The following TNRC6A variants were observed in gnomAD, a reference collection of about 807,000 sequenced individuals.
TNRC6A encodes the protein trinucleotide repeat containing adaptor 6A, also known as trinucleotide repeat-containing gene 6A protein.
A neutral mutation model predicts 221.2 loss-of-function variants in TNRC6A; 44 were observed. The ratio of observed to expected loss-of-function variants is 0.20; its 90% CI spans 0.16 to 0.26. TNRC6A has a LOEUF of 0.26. Among genes scored for constraint, TNRC6A ranks in the 10% least tolerant of loss-of-function variants. TNRC6A has a pLI of 1.00. For missense variants in TNRC6A, 2,199 were observed against 2,404.4 expected, an observed-to-expected ratio of 0.91 and a Z score of 1.79; for synonymous variants, 847 against 838.5, an observed-to-expected ratio of 1.01 and a Z score of -0.18.
intron 2 of TNRC6A, among the ~76,000 whole-genome samples, chr16:24,688,019 G>A (rs1438874404): frequency 1.4e-5 from 2 of 146,312 alleles, no homozygotes; most frequent in Non-Finnish European, 3.0e-5. Context: ...TGCAAGCTCC[G>A]CCTCCTGGGT....
chr16:24,809,432 G>C lies in TNRC6A; in HGVS notation c.4623G>C (p.Val1541=). 1.3e-6 allele frequency: 2 copies of C among 1,598,988 alleles called. No individual in the cohort carries two copies. Among genetic ancestry groups the C allele is most frequent in the South Asian group, 1.1e-5 (1 of 88,622 alleles). The change falls in exon 18 of 25, where the codon GTG becomes GTC. Residue 1541 remains valine, a synonymous_variant. Transcript: ENST00000395799. ...PQSRLRKWTT[V]DSISVNTSLD... ...CAAGACTAAGGAAGTGGACGACAGT[G>C]GACAGCATTTCTGTGAACACATCTT...
intron 4 of TNRC6A, among the ~76,000 whole-genome samples, chr16:24,765,714 G>A (rs1455046576): frequency 6.6e-6 from 1 of 151,964 alleles, no homozygotes; most frequent in Non-Finnish European, 1.5e-5. Context: ...TTGTAGCTCT[G>A]CACTAACAGA....
At chr16:24,704,675 A>C (rs2056060069) in intron 2 of TNRC6A, among the ~76,000 whole-genome samples, 1 of 51,462 alleles carries the variant, frequency 1.9e-5, no homozygotes, top group Admixed American at 1.8e-4. Context: ...AAAAAAAAAA[A>C]AAAAAAAAAA....
intron 2 of TNRC6A, among the ~76,000 whole-genome samples, chr16:24,740,269 T>G (rs975183965): frequency 6.6e-6 from 1 of 152,222 alleles, no homozygotes; most frequent in South Asian, 2.1e-4. Flanking sequence ...AAAAAAAATT[T>G]TTTTAAAGAT....
chr16:24,650,570 C>T (rs984493340), intron 2 of TNRC6A, among the ~76,000 whole-genome samples: 7 of 151,604 alleles, frequency 4.6e-5, no homozygotes, highest in Non-Finnish European at 1.0e-4. Flanking sequence ...GTGGCTGAGG[C>T]AGGAGAATCG....
chr16:24,664,877 C>T (rs764227759), intron 2 of TNRC6A: 4 of 453,320 alleles, frequency 8.8e-6, no homozygotes, highest in African/African-American at 4.1e-5. Context: ...TCAGAGAAAA[C>T]GTGTTTGATT....
Position 24,816,978 on chromosome 16 carries a change from A to G in TNRC6A, c.4972+22A>G, listed in dbSNP as rs1274316392. ...AGTGGTACGTAGGGGGTGCAAATCAATTTCTGAGTGACACTTAACACAGTT... is the reference window on the plus strand; with the variant it reads ...AGTGGTACGTAGGGGGTGCAAATCAGTTTCTGAGTGACACTTAACACAGTT... On this transcript the variant is annotated intron_variant, in intron 20 of 24. Coordinates refer to ENST00000395799, the MANE Select transcript of TNRC6A (RefSeq NM_014494.4). 7 of 1,605,118 alleles carry G rather than the reference A, an allele frequency of 4.4e-6. No homozygotes were observed. In the South Asian group the frequency reaches 6.7e-5, roughly 15 times the overall value.
At chr16:24,813,556 C>T (rs1226532415) in intron 18 of TNRC6A, among the ~76,000 whole-genome samples, 2 of 152,160 alleles carry the variant, frequency 1.3e-5, no homozygotes, top group Admixed American at 1.3e-4. Flanking sequence ...ATGAATGAGA[C>T]GATGCATCTC....
intron 2 of TNRC6A, among the ~76,000 whole-genome samples, chr16:24,747,571 G>A (rs2057039866): frequency 6.6e-6 from 1 of 152,180 alleles, no homozygotes; most frequent in Admixed American, 6.5e-5. Flanking sequence ...ATAGTCAGAT[G>A]TCTTAAGTGA....
intron 1 of TNRC6A, among the ~76,000 whole-genome samples, chr16:24,624,353 T>C (rs187414200): frequency 6.6e-6 from 1 of 152,166 alleles, no homozygotes; most frequent in Admixed American, 6.5e-5. Context: ...GCAGAGGGCA[T>C]GAATACAAGG....
intron 1 of TNRC6A, among the ~76,000 whole-genome samples, chr16:24,622,256 T>TA (rs1305454938): frequency 1.3e-5 from 2 of 151,550 alleles, no homozygotes; most frequent in Admixed American, 6.6e-5. Flanking sequence ...AAGAAAAAAA[T>TA]AAAAAAAAGA....
intron 2 of TNRC6A, among the ~76,000 whole-genome samples, chr16:24,675,696 CTCTCTCTATATATATATATA>C (rs1202179577): frequency 5.3e-5 from 4 of 76,102 alleles, no homozygotes; most frequent in Non-Finnish European, 7.7e-5. Flanking sequence ...CTCTCTCTCT[CTCTCTCTATATATATATATA>C]TATATATATA....
intron 2 of TNRC6A, among the ~76,000 whole-genome samples, chr16:24,731,606 A>G (rs986305948): frequency 1.3e-5 from 2 of 152,362 alleles, no homozygotes; most frequent in African/African-American, 4.8e-5. Flanking sequence ...TAAAGAAAAC[A>G]GGTTGAGCCA....
intron 3 of TNRC6A, among the ~76,000 whole-genome samples, chr16:24,755,211 A>G (rs982427339): frequency 1.3e-5 from 2 of 152,242 alleles, no homozygotes; most frequent in Non-Finnish European, 2.9e-5. Flanking sequence ...TAGGTGTCTC[A>G]TTTAAAATCA....
chr16:24,814,409 C>CTTTT (rs1174753134), intron 18 of TNRC6A, among the ~76,000 whole-genome samples: 2 of 116,764 alleles, frequency 1.7e-5, no homozygotes, highest in Non-Finnish European at 3.5e-5. Context: ...TTTTTTTTTT[C>CTTTT]TTTTTTTTTT....
chr16:24,806,424 C>A, intron 16 of TNRC6A, 141 bp downstream of exon 16: 3 of 1,354,050 alleles, frequency 2.2e-6, no homozygotes, highest in Non-Finnish European at 2.0e-6. Context: ...ATTAAGTCTG[C>A]TGGTTGCCCA....
At position 24,635,226 on chromosome 16, in the gene TNRC6A, C is replaced by T. The variant is rs144931007; in HGVS notation, n.277-5658C>T. ...CTTTGTAATGCTGGAACTCTATACC[C>T]TTCATCTGGATTGTTTTACTTCTTA... On this transcript the variant is annotated intron_variant and non_coding_transcript_variant, in intron 1 of 2. Transcript: ENST00000566108. Among the ~76,000 whole-genome samples the T allele has an allele frequency of 2.1e-3, 314 of 148,954 alleles. 2 individuals are homozygous for T. Among genetic ancestry groups the T allele is most frequent in the African/African-American group, 7.5e-3 (301 of 40,384 alleles).
chr16:24,791,085 A>G lies in TNRC6A; in HGVS notation c.2443A>G (p.Lys815Glu), dbSNP rs1250760272. The G allele has an allele frequency of 1.2e-6, 2 of 1,611,812 alleles. No individual in the cohort carries two copies. Among genetic ancestry groups the G allele is most frequent in the Admixed American group, 1.7e-5 (1 of 59,916 alleles). The change falls in exon 6 of 25, where the codon AAG becomes GAG. Residue 815 changes from lysine to glutamate, a missense_variant. Lys to Glu is a moderately conservative substitution (Grantham distance 56, BLOSUM62 1). Transcript: ENST00000395799. Reference protein sequence around the residue: ...EDDSAATGMVKSNQWGNCKEE... With the variant: ...EDDSAATGMVESNQWGNCKEE... ...TGATTCTGCTGCTACAGGAATGGTC[A>G]AGAGCAATCAGTGGGGGAATTGCAA...
intron 2 of TNRC6A, among the ~76,000 whole-genome samples, chr16:24,643,094 TTA>T (rs1467263946): frequency 1.1e-4 from 15 of 135,816 alleles, no homozygotes; most frequent in East Asian, 4.2e-4. Flanking sequence ...TATATATATT[TTA>T]TATATATATA....
Sources: gnomAD v4.1 joint callset for allele counts (sites outside exome capture counted in the v4.1 genomes callset) on GRCh38, gnomAD v4.1.1 for gene constraint, MANE v1.5 for transcripts, NCBI Gene and HGNC (gene_info 2026-07-23, HGNC 2026-07-21) for gene names.